TRPM3: variants seen among roughly 807,000 people sequenced by gnomAD.
The protein encoded by TRPM3 is long transient receptor potential channel 3.
TRPM3 carries 77 observed loss-of-function variants against 181.2 expected under a neutral mutation model. The observed-to-expected ratio is 0.42, with a 90% CI of 0.35 to 0.51. The LOEUF is 0.51. Ranked by LOEUF, TRPM3 falls within the 20% of genes least tolerant of loss-of-function variation. TRPM3 has a pLI of 0.01. For missense variants in TRPM3, 1,759 were observed against 2,196.7 expected (o/e 0.80, Z 3.98); for synonymous variants, 745 against 796.4 (o/e 0.94, Z 1.09).
intron 1 of TRPM3, among the ~76,000 whole-genome samples, chr9:71,236,741 T>C (rs558156820): frequency 6.6e-5 from 10 of 152,218 alleles, no homozygotes; most frequent in African/African-American, 2.2e-4. Flanking sequence ...AGGACACATA[T>C]GTAGGTATAT....
intron 1 of TRPM3, among the ~76,000 whole-genome samples, chr9:71,109,891 T>C (rs748781974): frequency 6.6e-6 from 1 of 152,192 alleles, no homozygotes; most frequent in East Asian, 1.9e-4. Flanking sequence ...GAAGCTCATT[T>C]CATTTGATGT....
At chr9:70,626,951 T>G (rs1420699370) in intron 12 of TRPM3, among the ~76,000 whole-genome samples, 1 of 152,200 alleles carries the variant, frequency 6.6e-6, no homozygotes, top group East Asian at 1.9e-4. Context: ...GAGCCTCTTA[T>G]AATATGCCTG....
chr9:71,071,236 A>G (rs1591173168), intron 1 of TRPM3, among the ~76,000 whole-genome samples: 1 of 152,122 alleles, frequency 6.6e-6, no homozygotes, highest in South Asian at 2.1e-4. Context: ...GAAAGAGGCC[A>G]CCTTAGAAGC....
At chr9:71,251,750 A>T (rs138040396) in intron 1 of TRPM3, among the ~76,000 whole-genome samples, 1 of 152,278 alleles carries the variant, frequency 6.6e-6, no homozygotes, top group African/African-American at 2.4e-5. Flanking sequence ...TAAAATATAC[A>T]ATTAAATTAT....
chr9:70,850,842 C>G (rs2095198256), intron 3 of TRPM3, among the ~76,000 whole-genome samples: 1 of 152,144 alleles, frequency 6.6e-6, no homozygotes, highest in African/African-American at 2.4e-5. Flanking sequence ...AATTGCTTTT[C>G]AAGTTACTGT....
At chr9:71,320,848 T>C (rs1269414741) in intron 1 of TRPM3, among the ~76,000 whole-genome samples, 1 of 152,088 alleles carries the variant, frequency 6.6e-6, no homozygotes, top group Non-Finnish European at 1.5e-5. Context: ...AGTGTTGATC[T>C]TCCTCCTCAA....
chr9:70,545,709 G>A (rs2044704350), intron 25 of TRPM3, among the ~76,000 whole-genome samples: 1 of 151,964 alleles, frequency 6.6e-6, no homozygotes, highest in African/African-American at 2.4e-5. Context: ...CACCATGCCT[G>A]ACTAATTTTT....
intron 1 of TRPM3, among the ~76,000 whole-genome samples, chr9:71,003,602 G>A (rs1338333703): frequency 6.6e-6 from 1 of 152,136 alleles, no homozygotes; most frequent in African/African-American, 2.4e-5. Flanking sequence ...AATAGGATGT[G>A]TTGTTGATCT....
chr9:71,410,725 A>G (rs954208579), intron 1 of TRPM3, among the ~76,000 whole-genome samples: 3 of 152,190 alleles, frequency 2.0e-5, no homozygotes, highest in African/African-American at 7.2e-5. Context: ...TCCAATCAAT[A>G]GAAAAAGAGG....
At chr9:71,089,776 G>A (rs1565171485) in intron 1 of TRPM3, among the ~76,000 whole-genome samples, 1 of 152,070 alleles carries the variant, frequency 6.6e-6, no homozygotes, top group African/African-American at 2.4e-5. Context: ...CTCAGCGGAT[G>A]TCCTGAGCAT....
chr9:70,843,049 G>T lies in TRPM3; in HGVS notation c.755C>A (p.Ala252Asp), dbSNP rs766691648. 1.2e-6 allele frequency: 2 copies of T among 1,613,440 alleles called. No homozygotes were observed. The highest frequency in any genetic ancestry group is 1.7e-5 in the Admixed American group (1 of 59,944). ...CTGGTTTTCCACAATTCCCCAGGGGGCAATACCTATGGTGCATATCTTTCC... is the reference window on the plus strand; with the variant it reads ...CTGGTTTTCCACAATTCCCCAGGGGTCAATACCTATGGTGCATATCTTTCC... ...SRGKICTIGI[A>D]PWGIVENQED... Residue 252 changes from alanine (A) to aspartate (D), a missense_variant, in exon 5 of 26, where the codon GCC becomes GAC. Physicochemically the swap from Ala to Asp is moderately radical, Grantham distance 126. Transcript: ENST00000677713.
At chr9:71,380,116 T>G (rs1429249663) in intron 1 of TRPM3, among the ~76,000 whole-genome samples, 3 of 152,058 alleles carry the variant, frequency 2.0e-5, no homozygotes, top group Non-Finnish European at 4.4e-5. Flanking sequence ...GTATACAACA[T>G]TCTCAGCATT....
intron 1 of TRPM3, among the ~76,000 whole-genome samples, chr9:71,408,862 G>A (rs547572807): frequency 6.6e-6 from 1 of 152,252 alleles, no homozygotes; most frequent in Admixed American, 6.5e-5. Flanking sequence ...GAGAAAGGTC[G>A]GGTTACCCAC....
At chr9:71,407,951 G>A (rs761344331) in intron 1 of TRPM3, among the ~76,000 whole-genome samples, 14 of 152,178 alleles carry the variant, frequency 9.2e-5, no homozygotes, top group Non-Finnish European at 1.5e-5. Flanking sequence ...GTGATACCCA[G>A]GCAAATAGGG....
intron 1 of TRPM3, among the ~76,000 whole-genome samples, chr9:71,367,634 C>G (rs552001743): frequency 1.1e-4 from 17 of 152,246 alleles, no homozygotes; most frequent in African/African-American, 3.6e-4. Flanking sequence ...CTAAAAAGAT[C>G]TAGTCCAGGT....
intron 1 of TRPM3, among the ~76,000 whole-genome samples, chr9:71,089,861 G>T (rs1189760111): frequency 6.6e-6 from 1 of 151,986 alleles, no homozygotes; most frequent in Non-Finnish European, 1.5e-5. Context: ...TCTACATCAG[G>T]GTGTCCAATC....
intron 1 of TRPM3, among the ~76,000 whole-genome samples, chr9:71,087,184 C>T (rs1408541706): frequency 1.3e-5 from 2 of 152,006 alleles, no homozygotes; most frequent in Admixed American, 6.6e-5. Flanking sequence ...TCAGCCTTAT[C>T]TCATATCCTA....
chr9:70,684,932 T>C (rs1411118505), intron 8 of TRPM3, among the ~76,000 whole-genome samples: 1 of 152,216 alleles, frequency 6.6e-6, no homozygotes, highest in Non-Finnish European at 1.5e-5. Context: ...ATAGTCCCTA[T>C]AACAAAGGAA....
At chr9:70,928,262 T>C (rs1404682123) in intron 1 of TRPM3, among the ~76,000 whole-genome samples, 4 of 152,204 alleles carry the variant, frequency 2.6e-5, no homozygotes, top group African/African-American at 7.2e-5. Context: ...CACTGTAGGA[T>C]TGCATTTGTA....
Sources: allele counts gnomAD v4.1 joint callset (sites outside exome capture counted in the v4.1 genomes callset), GRCh38; gene constraint gnomAD v4.1.1; transcripts MANE v1.5; gene names NCBI Gene and HGNC (gene_info 2026-07-23, HGNC 2026-07-21).